CAMSAP2: variants seen among roughly 807,000 people sequenced by gnomAD.
The protein encoded by CAMSAP2 is calmodulin-regulated spectrin-associated protein 2.
A neutral mutation model predicts 146.1 loss-of-function variants in CAMSAP2; 26 were observed. The ratio of observed to expected loss-of-function variants is 0.18; its 90% confidence interval spans 0.13 to 0.25. CAMSAP2 has a LOEUF of 0.25. CAMSAP2 is among the 10% of genes least tolerant of loss of function. CAMSAP2 has a pLI of 1.00. For missense variants in CAMSAP2, 1,381 were observed against 1,759.3 expected, an observed-to-expected ratio of 0.78 and a Z score of 3.85; for synonymous variants, 499 against 596.6, an observed-to-expected ratio of 0.84 and a Z score of 2.38.
At chr1:200,846,051 G>A (rs6663728) in intron 8 of CAMSAP2, among the ~76,000 whole-genome samples, 25,689 of 151,952 alleles carry the variant, frequency 0.17, 2,893 homozygotes, top group East Asian at 0.35. Flanking sequence ...GATTTTTTAC[G>A]TTAAAACTAA....
At chr1:200,816,298 AATAT>A (rs933037628) in intron 4 of CAMSAP2, among the ~76,000 whole-genome samples, 9 of 149,112 alleles carry the variant, frequency 6.0e-5, no homozygotes, top group Non-Finnish European at 1.2e-4. Context: ...AAACAAAAAA[AATAT>A]ATATATAGGG....
chr1:200,809,514 G>A (rs1034683461), intron 3 of CAMSAP2, among the ~76,000 whole-genome samples: 1 of 152,042 alleles, frequency 6.6e-6, no homozygotes, highest in Non-Finnish European at 1.5e-5. Context: ...AAGGCAGGTG[G>A]GAGGTCAGGA....
intron 2 of CAMSAP2, among the ~76,000 whole-genome samples, chr1:200,783,106 A>G (rs1435467109): frequency 1.3e-5 from 2 of 152,022 alleles, no homozygotes; most frequent in Admixed American, 6.6e-5. Flanking sequence ...ATGTTTGACT[A>G]TTAAGCTATC....
intron 1 of CAMSAP2, among the ~76,000 whole-genome samples, chr1:200,749,146 A>G (rs1171038528): frequency 6.6e-6 from 1 of 152,238 alleles, no homozygotes; most frequent in Non-Finnish European, 1.5e-5. Flanking sequence ...GCTGCAGTAT[A>G]TACATTTCAT....
At chr1:200,789,447 G>T (rs1301254110) in intron 2 of CAMSAP2, among the ~76,000 whole-genome samples, 3 of 151,676 alleles carry the variant, frequency 2.0e-5, no homozygotes, top group Non-Finnish European at 4.4e-5. Flanking sequence ...TTTCTCCACT[G>T]CATTGCCTTA....
In CAMSAP2 at chr1:200,739,692, C is replaced by T. The variant is rs1157075212; in HGVS notation, c.-136C>T. ...CGGCGCGGACAGCTGAGCTTCTCCT[C>T]CGTCGGCGCCCGGGCGGACATCGCC... On this transcript the variant is annotated 5_prime_UTR_variant, in exon 1 of 17. Transcript: ENST00000358823. The surrounding 1 kb of genome is among the most constrained non-coding windows in gnomAD (Gnocchi z 4.8). The T allele has an allele frequency of 2.5e-6, 2 of 792,786 alleles. No individual in the cohort carries two copies. The highest frequency in any genetic ancestry group is 4.3e-4 in the Middle Eastern group (1 of 2,340). 49.1% of individuals were successfully genotyped at this position (792,786 alleles called of 1,614,324 possible).
rs149277702 is a variant in CAMSAP2 at position 200,772,158 on chromosome 1, C to T, written c.399+11060C>T. The stretch of plus-strand genomic sequence containing the variant: ...ATGCATTTTACTTCAAGATACCCAC[C>T]TGGTTTACCTAGTTACACATGTATT... On this transcript the variant is annotated intron_variant, in intron 2 of 16. Coordinates refer to ENST00000358823, the MANE Select transcript of CAMSAP2 (RefSeq NM_203459.4). Among the ~76,000 whole-genome samples the T allele has an allele frequency of 3.0e-3, 455 of 152,130 alleles. 2 individuals are homozygous for T. The highest frequency in any genetic ancestry group is 0.01 in the African/African-American group (428 of 41,478).
At position 200,849,931 on chromosome 1, in the gene CAMSAP2, A is replaced by G; in HGVS notation, c.3162A>G (p.Gly1054=). The G allele has an allele frequency of 6.2e-7, 1 of 1,614,192 alleles. No homozygotes were observed. The highest frequency in any genetic ancestry group is 8.5e-7 in the Non-Finnish European group (1 of 1,180,026). ...CCAAAGGGACTTTGGAACAGCGTGG[A>G]CATAATCCAGAAGAAAAGGAAATCA... ...LESKGTLEQR[G]HNPEEKEIKP... The change falls in exon 11 of 17, where the codon GGA becomes GGG. Residue 1054 remains glycine (G), a synonymous_variant. Transcript: ENST00000358823. The surrounding 1 kb of genome is among the most constrained non-coding windows in gnomAD (Gnocchi z 6.3).
chr1:200,829,981 A>G (rs1667001503), intron 4 of CAMSAP2, among the ~76,000 whole-genome samples: 1 of 152,140 alleles, frequency 6.6e-6, no homozygotes, highest in Non-Finnish European at 1.5e-5. Context: ...AAAAAAGGAG[A>G]AGAAAATAAA....
Position 200,847,660 on chromosome 1 carries a change from T to C in CAMSAP2, c.1213T>C (p.Ser405Pro). The change falls in exon 10 of 17, where the codon TCT becomes CCT. Residue 405 changes from serine (S) to proline (P), a missense_variant. Physicochemically the swap from Ser to Pro is moderately conservative, Grantham distance 74. Around this residue, in one of 4 missense-constraint regions of CAMSAP2, gnomAD observed 447 missense variants for 462.2 expected, o/e 0.97. Coordinates refer to ENST00000358823, the MANE Select transcript of CAMSAP2 (RefSeq NM_203459.4). ...SASGGIRRSS[S>P]MSYVDGFIGT... ...TGAAGGAGGAATTAGAAGGTCTTCA[T>C]CTATGTCTTATGTTGATGGCTTCAT... 6.2e-7 allele frequency: 1 copy of C among 1,612,560 alleles called. No individual in the cohort carries two copies. Among genetic ancestry groups the C allele is most frequent in the South Asian group, 1.1e-5 (1 of 90,772 alleles).
intron 2 of CAMSAP2, among the ~76,000 whole-genome samples, chr1:200,783,759 G>A: frequency 6.6e-6 from 1 of 152,172 alleles, no homozygotes; most frequent in East Asian, 1.9e-4. Flanking sequence ...AAAGTGCCGG[G>A]ATTACAGGAA....
intron 1 of CAMSAP2, among the ~76,000 whole-genome samples, chr1:200,760,021 G>A (rs755482073): frequency 3.3e-5 from 5 of 152,216 alleles, no homozygotes; most frequent in African/African-American, 1.2e-4. Flanking sequence ...GAGAGTGGGA[G>A]TGGACATTGG....
chr1:200,842,113 G>A (rs756012917), intron 7 of CAMSAP2, 26 bp downstream of exon 7: 3 of 1,543,422 alleles, frequency 1.9e-6, no homozygotes, highest in Non-Finnish European at 2.7e-6. Context: ...AATTTTAAAT[G>A]TTCCTATGAA....
chr1:200,831,358 G>C (rs6697430), intron 4 of CAMSAP2, among the ~76,000 whole-genome samples: 26,290 of 152,060 alleles, frequency 0.17, 3,031 homozygotes, highest in East Asian at 0.35. Context: ...CTATTATTAC[G>C]CCAGTTTACA....
At chr1:200,820,468 T>C (rs1341594648) in intron 4 of CAMSAP2, among the ~76,000 whole-genome samples, 1 of 152,246 alleles carries the variant, frequency 6.6e-6, no homozygotes, top group Non-Finnish European at 1.5e-5. Flanking sequence ...GTGAAGGAAT[T>C]ACCTTTGGAG....
At chr1:200,829,111 C>T (rs1042029351) in intron 4 of CAMSAP2, among the ~76,000 whole-genome samples, 2 of 152,046 alleles carry the variant, frequency 1.3e-5, no homozygotes, top group Non-Finnish European at 2.9e-5. Context: ...GCCGAGATCG[C>T]GCCATTGCAC....
At chr1:200,745,879 T>G (rs1377194022) in intron 1 of CAMSAP2, among the ~76,000 whole-genome samples, 3 of 152,252 alleles carry the variant, frequency 2.0e-5, no homozygotes, top group Non-Finnish European at 4.4e-5. Context: ...ATATTTTCTA[T>G]TATCTACCCT....
At chr1:200,805,495 A>C (rs1476878052) in intron 2 of CAMSAP2, among the ~76,000 whole-genome samples, 1 of 152,248 alleles carries the variant, frequency 6.6e-6, no homozygotes, top group Non-Finnish European at 1.5e-5. Context: ...TGTCAGAGAA[A>C]TCAGTGGTTC....
At chr1:200,799,243 G>C (rs931424545) in intron 2 of CAMSAP2, among the ~76,000 whole-genome samples, 1 of 152,052 alleles carries the variant, frequency 6.6e-6, no homozygotes, top group African/African-American at 2.4e-5. Flanking sequence ...AGAAGGAATG[G>C]TACCAGCTCC....
Sources: allele counts gnomAD v4.1 joint callset (sites outside exome capture counted in the v4.1 genomes callset), GRCh38; gene constraint gnomAD v4.1.1; regional missense constraint gnomAD v4.1.1; non-coding constraint Gnocchi (gnomAD v3.1); transcripts MANE v1.5; gene names NCBI Gene and HGNC (gene_info 2026-07-23, HGNC 2026-07-21).